Variants in MYO18B observed in about 807,000 individuals in gnomAD.
The protein encoded by MYO18B is myosin XVIIIB.
Under a neutral mutation model 273.0 loss-of-function variants are expected in MYO18B, and 204 were observed. That is an observed-to-expected ratio of 0.75 (90% confidence interval 0.67 to 0.84). The LOEUF is 0.84. Ranked by LOEUF, MYO18B falls within the 40% of genes least tolerant of loss-of-function variation. MYO18B has a pLI of 0.00. For missense variants in MYO18B, 3,212 were observed against 3,287.6 expected (o/e 0.98, Z 0.56); for synonymous variants, 1,330 against 1,305.7 (o/e 1.02, Z -0.40).
intron 12 of MYO18B, among the ~76,000 whole-genome samples, chr22:25,805,169 G>A (rs530987975): frequency 2.3e-4 from 35 of 152,268 alleles, no homozygotes; most frequent in African/African-American, 7.5e-4. Context: ...CCAGCCCCAC[G>A]TTGTGATTTA....
intron 21 of MYO18B, among the ~76,000 whole-genome samples, chr22:25,857,110 C>T (rs1288342659): frequency 6.6e-6 from 1 of 152,172 alleles, no homozygotes; most frequent in Non-Finnish European, 1.5e-5. Flanking sequence ...GCTACCTCCT[C>T]TGGTTAGATG....
At chr22:25,977,669 A>G (rs369010697) in intron 39 of MYO18B, among the ~76,000 whole-genome samples, 2 of 152,174 alleles carry the variant, frequency 1.3e-5, no homozygotes, top group East Asian at 3.9e-4. Flanking sequence ...AGGGTGAGAA[A>G]GCATCAAAAC....
chr22:26,005,251 A>G (rs1934326601), intron 42 of MYO18B, among the ~76,000 whole-genome samples: 1 of 152,218 alleles, frequency 6.6e-6, no homozygotes, highest in Non-Finnish European at 1.5e-5. Flanking sequence ...TTTATGGGTA[A>G]TTACAGGTTC....
intron 10 of MYO18B, among the ~76,000 whole-genome samples, chr22:25,783,959 G>A (rs570817711): frequency 1.3e-5 from 2 of 152,322 alleles, no homozygotes; most frequent in South Asian, 4.1e-4. Context: ...CCATATGGAA[G>A]CTTCCAAAGG....
chr22:26,006,794 G>A (rs1934459113), intron 42 of MYO18B, among the ~76,000 whole-genome samples: 1 of 152,138 alleles, frequency 6.6e-6, no homozygotes, highest in South Asian at 2.1e-4. Flanking sequence ...TTTACTCAGA[G>A]CCTGGCACCT....
At chr22:25,921,855 T>TGTGTGC (rs1491121593) in intron 34 of MYO18B, among the ~76,000 whole-genome samples, 207 of 142,902 alleles carry the variant, frequency 1.4e-3, no homozygotes, top group African/African-American at 5.2e-3. Context: ...TGTGTGTGTG[T>TGTGTGC]GGTGACTGCC....
At chr22:25,937,966 A>G (rs1228445431) in intron 34 of MYO18B, among the ~76,000 whole-genome samples, 1 of 152,186 alleles carries the variant, frequency 6.6e-6, no homozygotes, top group African/African-American at 2.4e-5. Flanking sequence ...GATTCCCTTC[A>G]GGGAAAGCCT....
At chr22:26,053,106 C>A in the MYO18B span, among the ~76,000 whole-genome samples, 1 of 152,074 alleles carries the variant, frequency 6.6e-6, no homozygotes, top group East Asian at 1.9e-4. Flanking sequence ...CACACCCGGC[C>A]GAATTGGGTG....
chr22:25,777,725 A>G lies in MYO18B; in HGVS notation c.2012A>G (p.Glu671Gly). The G allele has an allele frequency of 2.5e-6, 4 of 1,611,236 alleles. No individual in the cohort carries two copies. In the South Asian group the frequency reaches 4.4e-5, roughly 18 times the overall value. Residue 671 changes from glutamate to glycine, a missense_variant, in exon 8 of 44, where the codon GAG (glutamate) becomes GGG (glycine). Transcript: ENST00000335473. ...GGCGCTGGGAAGACCACCTGCTGTGAGCAGGTCCTGGAACACCTGGTGGGG... is the reference window on the plus strand; with the variant it reads ...GGCGCTGGGAAGACCACCTGCTGTGGGCAGGTCCTGGAACACCTGGTGGGG... ...WSGAGKTTCC[E>G]QVLEHLVGMA...
chr22:25,866,959 C>T (rs559682893), intron 21 of MYO18B, among the ~76,000 whole-genome samples: 11 of 152,008 alleles, frequency 7.2e-5, no homozygotes, highest in African/African-American at 1.2e-4. Flanking sequence ...AAGCATAGAG[C>T]GGGGAGGCTA....
At position 25,883,226 on chromosome 22, in the gene MYO18B, G is replaced by A. The variant is rs2091396649; in HGVS notation, c.4314+5178G>A. 1.3e-5 allele frequency among the ~76,000 whole-genome samples: 2 copies of A among 152,170 alleles called. No homozygotes were observed. Among genetic ancestry groups the A allele is most frequent in the African/African-American group, 4.8e-5 (2 of 41,446 alleles). On this transcript the variant is annotated intron_variant, in intron 25 of 43. Coordinates refer to ENST00000335473, the MANE Select transcript of MYO18B (RefSeq NM_032608.7). The surrounding 1 kb of genome is among the most constrained non-coding windows in gnomAD (Gnocchi z 7.6). ...TTTAAAGAGCATTCCAGTCACCTGG[G>A]GAACAGTTAGCTCTGTATCTTCCCC...
intron 13 of MYO18B, among the ~76,000 whole-genome samples, chr22:25,824,579 A>G (rs1406744734): frequency 2.0e-5 from 3 of 152,054 alleles, no homozygotes; most frequent in Non-Finnish European, 2.9e-5. Flanking sequence ...TTTGGGGTTA[A>G]TGAGTAGGAG....
At chr22:26,058,174 T>C in the MYO18B span, among the ~76,000 whole-genome samples, 1 of 152,226 alleles carries the variant, frequency 6.6e-6, no homozygotes, top group Admixed American at 6.5e-5. Flanking sequence ...AAGTAATTTA[T>C]TTCAAAGTAC....
rs747579160 is a variant in MYO18B at position 25,902,617 on chromosome 22, G to A, written c.4828G>A (p.Asp1610Asn). Residue 1610 changes from aspartate (D) to asparagine (N), a missense_variant, in exon 30 of 44, where the codon GAC becomes AAC. Transcript: ENST00000335473. The stretch of plus-strand genomic sequence containing the variant: ...CACGTGCTCTGCTTTGCACAGGTTT[G>A]ACCTGCAGCTGGCCCAGGCCCTAGG... ...HELEKKQKKF[D>N]LQLAQALGES... 1.4e-5 allele frequency: 22 copies of A among 1,606,790 alleles called. No individual in the cohort carries two copies. The African/African-American group carries it at 2.9e-4, about 21-fold the overall frequency.
At chr22:25,895,426 A>G (rs1206085472) in intron 28 of MYO18B, 146 bp downstream of exon 28, 1 of 892,088 alleles carries the variant, frequency 1.1e-6, no homozygotes, top group Non-Finnish European at 1.7e-6. Context: ...CTCCACTATT[A>G]TTACAAATGC....
intron 1 of MYO18B, among the ~76,000 whole-genome samples, chr22:25,759,914 C>T (rs754475538): frequency 6.6e-6 from 1 of 152,128 alleles, no homozygotes; most frequent in Non-Finnish European, 1.5e-5. Context: ...TTTAGGATTA[C>T]TTCCTCAAAC....
At chr22:25,875,337 A>G (rs865944901) in intron 23 of MYO18B, among the ~76,000 whole-genome samples, 21 of 152,246 alleles carry the variant, frequency 1.4e-4, no homozygotes, top group African/African-American at 5.1e-4. Flanking sequence ...ACATAAAATA[A>G]CATGATCTTC....
chr22:26,009,875 A>G (rs1183912327), intron 42 of MYO18B, among the ~76,000 whole-genome samples: 1 of 152,120 alleles, frequency 6.6e-6, no homozygotes, highest in Non-Finnish European at 1.5e-5. Context: ...TGACCCCCAA[A>G]TACAGATGAA....
chr22:25,982,138 C>T (rs1027001048), intron 39 of MYO18B, among the ~76,000 whole-genome samples: 2 of 152,188 alleles, frequency 1.3e-5, no homozygotes, highest in Non-Finnish European at 2.9e-5. Context: ...AATCCACCCC[C>T]ATGATCCAAT....
Sources: gnomAD v4.1 joint callset for allele counts (sites outside exome capture counted in the v4.1 genomes callset) on GRCh38, gnomAD v4.1.1 for gene constraint, Gnocchi (gnomAD v3.1) non-coding constraint, MANE v1.5 for transcripts, NCBI Gene and HGNC (gene_info 2026-07-23, HGNC 2026-07-21) for gene names.